EFCAB6: variants seen among roughly 807,000 people sequenced by gnomAD.
EFCAB6 encodes the protein EF-hand calcium-binding domain-containing protein 6.
A neutral mutation model predicts 169.8 loss-of-function variants in EFCAB6; 156 were observed. The observed-to-expected ratio is 0.92, with a 90% confidence interval of 0.81 to 1.05. The LOEUF (loss-of-function observed/expected upper bound fraction) is 1.05, where lower values mean the gene tolerates loss of function less well. Among genes scored for constraint, EFCAB6 ranks in the 50% least tolerant of loss-of-function variants. The pLI, the probability that EFCAB6 is intolerant of heterozygous loss-of-function variation, is 0.00. For missense variants in EFCAB6, 1,800 were observed against 1,829.1 expected, an observed-to-expected ratio of 0.98 and a Z score of 0.29; for synonymous variants, 698 against 676.4, an observed-to-expected ratio of 1.03 and a Z score of -0.50.
chr22:43,645,353 G>C (rs757850874), intron 17 of EFCAB6, among the ~76,000 whole-genome samples: 23 of 152,310 alleles, frequency 1.5e-4, no homozygotes, highest in Non-Finnish European at 3.1e-4. Flanking sequence ...AAAAAAGTAC[G>C]CAAGTCCAAG....
intron 26 of EFCAB6, among the ~76,000 whole-genome samples, chr22:43,561,962 G>GGCTGGGCCCGGTCCGT (rs1349118006): frequency 6.6e-6 from 1 of 152,124 alleles, no homozygotes; most frequent in Non-Finnish European, 1.5e-5. Context: ...GCGGGGGCTC[G>GGCTGGGCCCGGTCCGT]GCTGGGCCCG....
At chr22:43,620,343 G>GAA (rs1378486485) in intron 20 of EFCAB6, among the ~76,000 whole-genome samples, 2 of 151,678 alleles carry the variant, frequency 1.3e-5, no homozygotes, top group African/African-American at 4.8e-5. Flanking sequence ...GAAAAGAAAA[G>GAA]AAAAGAAGCC....
intron 8 of EFCAB6, among the ~76,000 whole-genome samples, chr22:43,725,228 G>A (rs5764248): frequency 0.089 from 12,363 of 139,640 alleles, 649 homozygotes; most frequent in East Asian, 0.22. Context: ...GTAACCCCCC[G>A]CCTACCGGGT....
intron 2 of EFCAB6, among the ~76,000 whole-genome samples, chr22:43,807,369 T>C (rs1486624963): frequency 2.0e-5 from 3 of 152,196 alleles, no homozygotes; most frequent in Non-Finnish European, 4.4e-5. Context: ...CTTGGTGAGG[T>C]AGAAATTGGC....
Position 43,635,203 on chromosome 22 carries a change from G to C in EFCAB6, c.1997C>G (p.Thr666Ser). 1 of 1,614,008 alleles carries C rather than the reference G, an allele frequency of 6.2e-7. No individual in the cohort carries two copies. The highest frequency in any genetic ancestry group is 8.5e-7 in the Non-Finnish European group (1 of 1,179,874). ...VHDFKKVLED[T>S]GMPMDDDQYA... The stretch of plus-strand genomic sequence containing the variant: ...CTGATCATCGTCCATGGGCATCCCA[G>C]TGTCTTCCAGTACCTGACGAGGGAG... The change falls in exon 18 of 32, where the codon ACT (threonine) becomes AGT (serine). Residue 666 changes from threonine (T) to serine (S), a missense_variant. Coordinates refer to ENST00000262726, the MANE Select transcript of EFCAB6 (RefSeq NM_022785.4).
At chr22:43,721,598 A>C (rs1369983152) in intron 8 of EFCAB6, among the ~76,000 whole-genome samples, 3 of 152,172 alleles carry the variant, frequency 2.0e-5, no homozygotes, top group Non-Finnish European at 4.4e-5. Flanking sequence ...CTACCCACTT[A>C]AAACATCCGA....
chr22:43,648,041 C>G (rs1253743242), intron 17 of EFCAB6, among the ~76,000 whole-genome samples: 5 of 152,028 alleles, frequency 3.3e-5, no homozygotes, highest in Non-Finnish European at 7.4e-5. Context: ...CTAACCCTAA[C>G]CCTATTAGGA....
rs139267888 is a variant in EFCAB6 at position 43,643,854 on chromosome 22, C to T, written c.1984-8638G>A. Among the ~76,000 whole-genome samples, 632 of 151,466 alleles carry T rather than the reference C, an allele frequency of 4.2e-3. 7 individuals are homozygous for T. The highest frequency in any genetic ancestry group is 0.014 in the African/African-American group (597 of 41,270). On this transcript the variant is annotated intron_variant, in intron 17 of 31. Coordinates refer to ENST00000262726, the MANE Select transcript of EFCAB6 (RefSeq NM_022785.4). ...TTTTTTTTTTTTTGAGACAGAGTCTCGCTCTGTCACCCAGGCTGGAGCGCA... is the reference window on the plus strand; with the variant it reads ...TTTTTTTTTTTTTGAGACAGAGTCTTGCTCTGTCACCCAGGCTGGAGCGCA...
At position 43,600,272 on chromosome 22, in the gene EFCAB6, A is replaced by G; in HGVS notation, c.2682-9T>C. ...TTCCCTCGGTGTCGTATCTTAAAAC[A>G]AAAACAAAAACAGAAAGCACTTCTC... On this transcript the variant is annotated splice_polypyrimidine_tract_variant and intron_variant, in intron 22 of 31. Coordinates refer to ENST00000262726, the MANE Select transcript of EFCAB6 (RefSeq NM_022785.4). 6.2e-7 allele frequency: 1 copy of G among 1,612,988 alleles called. No individual in the cohort carries two copies. Among genetic ancestry groups the G allele is most frequent in the Non-Finnish European group, 8.5e-7 (1 of 1,179,484 alleles).
chr22:43,756,343 T>G (rs947279898), intron 5 of EFCAB6, among the ~76,000 whole-genome samples: 2 of 152,218 alleles, frequency 1.3e-5, no homozygotes, highest in Non-Finnish European at 2.9e-5. Context: ...ACCTGACCAC[T>G]GTCGGGCTCT....
At chr22:43,688,010 C>A (rs562736967) in intron 10 of EFCAB6, among the ~76,000 whole-genome samples, 2 of 152,138 alleles carry the variant, frequency 1.3e-5, no homozygotes, top group East Asian at 1.9e-4. Flanking sequence ...TGGTGGAGGG[C>A]GGATCTGGAG....
chr22:43,556,704 A>G (rs890029523), intron 26 of EFCAB6, among the ~76,000 whole-genome samples: 3 of 152,222 alleles, frequency 2.0e-5, no homozygotes, highest in Non-Finnish European at 4.4e-5. Flanking sequence ...ACTGTGCCAA[A>G]TACAGGATGC....
At chr22:43,727,660 C>G (rs1291467674) in intron 8 of EFCAB6, among the ~76,000 whole-genome samples, 1 of 152,078 alleles carries the variant, frequency 6.6e-6, no homozygotes, top group African/African-American at 2.4e-5. Flanking sequence ...GTAGTAAGGT[C>G]CATACACTGC....
chr22:43,601,848 C>G (rs1443391796), intron 22 of EFCAB6, among the ~76,000 whole-genome samples: 2 of 152,202 alleles, frequency 1.3e-5, no homozygotes, highest in Non-Finnish European at 2.9e-5. Flanking sequence ...CCACAGGTGC[C>G]CCTGAGGGCT....
chr22:43,768,539 T>C (rs1402524929), intron 4 of EFCAB6, among the ~76,000 whole-genome samples: 1 of 152,218 alleles, frequency 6.6e-6, no homozygotes, highest in African/African-American at 2.4e-5. Flanking sequence ...AGCCATGCCC[T>C]TCATTCCCAA....
intron 2 of EFCAB6, among the ~76,000 whole-genome samples, chr22:43,792,362 CAGGCA>C (rs2062327952): frequency 6.6e-6 from 1 of 152,130 alleles, no homozygotes; most frequent in Admixed American, 6.5e-5. Context: ...AGGGTCTTGA[CAGGCA>C]AGTGTGATAC....
At chr22:43,590,289 A>G (rs1308254730) in intron 23 of EFCAB6, 60 bp from the exon 24 acceptor site, 1 of 1,567,210 alleles carries the variant, frequency 6.4e-7, no homozygotes, top group African/African-American at 1.4e-5. Flanking sequence ...ACTCCTTTAA[A>G]GCAAACACTG....
intron 23 of EFCAB6, among the ~76,000 whole-genome samples, chr22:43,597,560 A>G (rs926766646): frequency 5.3e-5 from 8 of 152,214 alleles, no homozygotes; most frequent in African/African-American, 1.7e-4. Flanking sequence ...ATCTCATCCC[A>G]GTTAGAATAG....
chr22:43,582,877 C>T (rs546425462), intron 24 of EFCAB6, among the ~76,000 whole-genome samples: 4 of 152,288 alleles, frequency 2.6e-5, no homozygotes, highest in Admixed American at 2.0e-4. Flanking sequence ...ACCTTAATGT[C>T]CCTGGATAAG....
Sources: allele counts gnomAD v4.1 joint callset (sites outside exome capture counted in the v4.1 genomes callset), GRCh38; gene constraint gnomAD v4.1.1; transcripts MANE v1.5; gene names NCBI Gene and HGNC (gene_info 2026-07-23, HGNC 2026-07-21).